OLA1: variants seen among roughly 807,000 people sequenced by gnomAD.
The protein encoded by OLA1 is Obg like ATPase 1, also known as obg-like ATPase 1.
OLA1 carries 14 observed loss-of-function variants against 48.4 expected under a neutral mutation model. The ratio of observed to expected loss-of-function variants is 0.29; its 90% CI spans 0.19 to 0.45. The LOEUF (loss-of-function observed/expected upper bound fraction) is 0.45. Ranked by LOEUF, OLA1 falls within the 20% of genes least tolerant of loss-of-function variation. The pLI is 1.00. For synonymous variants in OLA1, 127 were observed against 150.4 expected, an observed-to-expected ratio of 0.84 and a Z score of 1.14; for missense variants, 325 against 467.1, an observed-to-expected ratio of 0.70 and a Z score of 2.80.
chr2:174,147,441 A>G (rs1466075607), intron 4 of OLA1, among the ~76,000 whole-genome samples: 1 of 152,156 alleles, frequency 6.6e-6, no homozygotes, highest in Non-Finnish European at 1.5e-5. Context: ...AAAAAGAAAA[A>G]GAAAAAAAAT....
At chr2:174,139,861 T>C in intron 5 of OLA1, among the ~76,000 whole-genome samples, 1 of 94,768 alleles carries the variant, frequency 1.1e-5, no homozygotes. Context: ...TGAGACTCAG[T>C]CTCAAAAAAA....
At chr2:174,111,314 TGCATGAAAA>T (rs777225500) in intron 7 of OLA1, among the ~76,000 whole-genome samples, 17 of 152,228 alleles carry the variant, frequency 1.1e-4, no homozygotes, top group Non-Finnish European at 2.4e-4. Context: ...CTACTTTTGT[TGCATGAAAA>T]GCATGCTATA....
intron 5 of OLA1, among the ~76,000 whole-genome samples, chr2:174,128,747 A>T (rs1049942127): frequency 6.6e-6 from 1 of 151,582 alleles, no homozygotes; most frequent in Admixed American, 6.6e-5. Flanking sequence ...AAAAAAAAAA[A>T]AAATAAAATA....
intron 4 of OLA1, among the ~76,000 whole-genome samples, chr2:174,187,900 T>C (rs1687689790): frequency 6.6e-6 from 1 of 152,136 alleles, no homozygotes; most frequent in Admixed American, 6.5e-5. Context: ...TGAGTGATGA[T>C]GAATAAGGTG....
chr2:174,241,565 T>C (rs1198291685), intron 2 of OLA1, among the ~76,000 whole-genome samples: 2 of 152,154 alleles, frequency 1.3e-5, no homozygotes, highest in Admixed American at 1.3e-4. Flanking sequence ...CCTGGGGCAG[T>C]TTGTGAGTGT....
intron 4 of OLA1, among the ~76,000 whole-genome samples, chr2:174,215,006 C>T (rs866984494): frequency 6.7e-6 from 1 of 150,320 alleles, no homozygotes; most frequent in African/African-American, 2.5e-5. Context: ...GTCAAGATCG[C>T]GCCATTACAC....
intron 2 of OLA1, among the ~76,000 whole-genome samples, chr2:174,242,343 C>T (rs554153615): frequency 6.6e-6 from 1 of 152,322 alleles, no homozygotes; most frequent in South Asian, 2.1e-4. Context: ...CACAACAGGG[C>T]CTGCGCTCCT....
chr2:174,231,206 T>G (rs1015454334), intron 2 of OLA1, among the ~76,000 whole-genome samples: 1 of 152,168 alleles, frequency 6.6e-6, no homozygotes, highest in South Asian at 2.1e-4. Flanking sequence ...TAAAGAGTGA[T>G]AGTTAAGTTG....
intron 7 of OLA1, among the ~76,000 whole-genome samples, chr2:174,082,403 C>G (rs1168041906): frequency 1.3e-5 from 2 of 152,084 alleles, no homozygotes; most frequent in African/African-American, 2.4e-5. Context: ...GTTTTCCTTA[C>G]TTTACAAAGT....
Position 174,176,691 on chromosome 2 carries a change from A to G in OLA1, c.374-34691T>C, listed in dbSNP as rs569323473. On this transcript the variant is annotated intron_variant, in intron 4 of 10. Coordinates refer to ENST00000284719, the MANE Select transcript of OLA1 (RefSeq NM_013341.5). ...TAAAAGCTAAACATTTCACCGTGGT[A>G]AGGTCTTACACCTAGAGAGACAAAG... Among the ~76,000 whole-genome samples the G allele has an allele frequency of 8.4e-4, 128 of 152,132 alleles. 2 individuals are homozygous for G. The highest frequency in any genetic ancestry group is 1.7e-3 in the South Asian group (8 of 4,828).
intron 2 of OLA1, among the ~76,000 whole-genome samples, chr2:174,231,570 A>T (rs1378612797): frequency 1.3e-5 from 2 of 152,184 alleles, no homozygotes; most frequent in South Asian, 2.1e-4. Context: ...GTGATTTTTT[A>T]AAATGTATCC....
intron 4 of OLA1, among the ~76,000 whole-genome samples, chr2:174,169,401 A>G (rs1687246328): frequency 6.6e-6 from 1 of 152,278 alleles, no homozygotes. Flanking sequence ...GAGGTATGAC[A>G]CAAATGTCGA....
chr2:174,168,390 A>G (rs1482494764), intron 4 of OLA1, among the ~76,000 whole-genome samples: 1 of 34,468 alleles, frequency 2.9e-5, no homozygotes, highest in Non-Finnish European at 5.3e-5. Context: ...TACAAAACCA[A>G]AAAAAAACAA....
intron 4 of OLA1, among the ~76,000 whole-genome samples, chr2:174,169,520 A>G (rs1214181165): frequency 6.6e-6 from 1 of 152,094 alleles, no homozygotes; most frequent in African/African-American, 2.4e-5. Flanking sequence ...TAAAGTGCAG[A>G]AAAAAAATTA....
At chr2:174,136,272 C>A (rs1212368185) in intron 5 of OLA1, among the ~76,000 whole-genome samples, 2 of 152,182 alleles carry the variant, frequency 1.3e-5, no homozygotes, top group African/African-American at 2.4e-5. Flanking sequence ...GCATTTTACC[C>A]ACATTTCAAC....
intron 4 of OLA1, among the ~76,000 whole-genome samples, chr2:174,166,987 T>C (rs749755474): frequency 3.9e-5 from 6 of 152,208 alleles, no homozygotes; most frequent in Non-Finnish European, 8.8e-5. Context: ...AGTGTCATAA[T>C]AATTGTTATG....
intron 4 of OLA1, among the ~76,000 whole-genome samples, chr2:174,218,850 T>A (rs1379756685): frequency 6.6e-6 from 1 of 152,140 alleles, no homozygotes; most frequent in Admixed American, 6.5e-5. Flanking sequence ...AGAGAGAGGA[T>A]CTTGTTGTCA....
intron 2 of OLA1, among the ~76,000 whole-genome samples, chr2:174,239,358 T>A (rs866174672): frequency 6.6e-6 from 1 of 152,118 alleles, no homozygotes; most frequent in South Asian, 2.1e-4. Flanking sequence ...TCACCAAAAA[T>A]GGACAAATCA....
At chr2:174,186,990 T>C (rs1687670558) in intron 4 of OLA1, among the ~76,000 whole-genome samples, 1 of 152,144 alleles carries the variant, frequency 6.6e-6, no homozygotes, top group Non-Finnish European at 1.5e-5. Context: ...AAGATCTCCA[T>C]CATGTATTGA....
Sources: allele counts gnomAD v4.1 joint callset (sites outside exome capture counted in the v4.1 genomes callset), GRCh38; gene constraint gnomAD v4.1.1; transcripts MANE v1.5; gene names NCBI Gene and HGNC (gene_info 2026-07-23, HGNC 2026-07-21).